CNTN6: variants seen among roughly 807,000 people sequenced by gnomAD.
CNTN6 encodes contactin 6, also known as contactin-6.
In CNTN6, 137 loss-of-function variants were observed where a neutral mutation model predicts 122.8. The observed-to-expected ratio is 1.12, with a 90% CI of 0.97 to 1.29. The LOEUF is 1.29. CNTN6 is among the 50% of genes most tolerant of loss of function. CNTN6 has a pLI of 0.00. For synonymous variants in CNTN6, 570 were observed against 426.0 expected, an observed-to-expected ratio of 1.34 and a Z score of -4.16; for missense variants, 1,634 against 1,223.4, an observed-to-expected ratio of 1.34 and a Z score of -5.01.
intron 2 of CNTN6, among the ~76,000 whole-genome samples, chr3:1,220,289 T>G (rs1220090803): frequency 6.6e-6 from 1 of 152,098 alleles, no homozygotes; most frequent in Admixed American, 6.6e-5. Flanking sequence ...TGAGCTATGA[T>G]CACACTACTG....
chr3:1,384,594 A>T (rs1381292784), intron 19 of CNTN6, among the ~76,000 whole-genome samples: 6 of 151,696 alleles, frequency 4.0e-5, no homozygotes, highest in African/African-American at 1.4e-4. Flanking sequence ...AGTGATTCAC[A>T]AAATGGGTAA....
intron 7 of CNTN6, 59 bp downstream of exon 7, chr3:1,298,050 A>T: frequency 7.9e-7 from 1 of 1,266,842 alleles, no homozygotes; most frequent in Non-Finnish European, 1.1e-6. Context: ...TTTATTAAAA[A>T]CCTTTTTGTT....
intron 4 of CNTN6, among the ~76,000 whole-genome samples, chr3:1,232,367 T>G (rs1218639720): frequency 6.6e-6 from 1 of 152,192 alleles, no homozygotes; most frequent in Non-Finnish European, 1.5e-5. Flanking sequence ...CATCAAGTAC[T>G]ACACTAGGTC....
intron 2 of CNTN6, among the ~76,000 whole-genome samples, chr3:1,155,311 A>G (rs1452601975): frequency 6.6e-6 from 1 of 152,188 alleles, no homozygotes; most frequent in Non-Finnish European, 1.5e-5. Flanking sequence ...TACGCACTCA[A>G]TAAATATTTA....
chr3:1,307,101 C>T (rs187401363), intron 7 of CNTN6, among the ~76,000 whole-genome samples: 6 of 152,192 alleles, frequency 3.9e-5, no homozygotes, highest in East Asian at 1.9e-4. Flanking sequence ...ATAAAGGCCC[C>T]GGGGAGGTTG....
At chr3:1,379,692 T>G (rs1710379778) in intron 17 of CNTN6, among the ~76,000 whole-genome samples, 1 of 152,142 alleles carries the variant, frequency 6.6e-6, no homozygotes, top group South Asian at 2.1e-4. Flanking sequence ...TTTTTCTTCC[T>G]GAGGAGGAGG....
chr3:1,109,335 G>A (rs1297736981), intron 1 of CNTN6, among the ~76,000 whole-genome samples: 4 of 151,976 alleles, frequency 2.6e-5, no homozygotes, highest in African/African-American at 7.2e-5. Context: ...ATGCAAAATT[G>A]TAGAGGAAAA....
In CNTN6 at chr3:1,240,835, G is replaced by A. The variant is rs138128359; in HGVS notation, c.358+12842G>A. On this transcript the variant is annotated intron_variant, in intron 4 of 22. Coordinates refer to ENST00000446702, the MANE Select transcript of CNTN6 (RefSeq NM_001289080.2). Reference sequence around the variant, plus strand: ...GTGAAATAAACCCATGCACCTTCACGTGGGTGCAGGCGGGCTGAGTCTGAA... The same window carrying A: ...GTGAAATAAACCCATGCACCTTCACATGGGTGCAGGCGGGCTGAGTCTGAA... Among the ~76,000 whole-genome samples, 13 of 152,266 alleles carry A rather than the reference G, an allele frequency of 8.5e-5. No individual in the cohort carries two copies. The East Asian group carries it at 1.4e-3, about 16-fold the overall frequency.
rs2094562176 is a variant in CNTN6 at position 1,245,301 on chromosome 3, T to TATATATATATAAC, written c.358+17319_358+17320insACATATATATATA. On this transcript the variant is annotated intron_variant, in intron 4 of 22. Transcript: ENST00000446702. ...CACACACATATATATATAACATATATATATATATATATATATATATATATA... is the reference window on the plus strand; with the variant it reads ...CACACACATATATATATAACATATATATATATATATAACATATATATATATATATATATATATA... Among the ~76,000 whole-genome samples, 8 of 5,986 alleles carry TATATATATATAAC rather than the reference T, an allele frequency of 1.3e-3. 1 individual carries two copies. Among genetic ancestry groups the TATATATATATAAC allele is most frequent in the Non-Finnish European group, 2.6e-3 (7 of 2,648 alleles). The allele number at this position is 5,986 out of a possible 152,430, so 3.9% of individuals were successfully genotyped here. A position where few individuals can be genotyped will look rare whatever the true frequency, so the allele number is the denominator to read the frequency against.
chr3:1,186,974 A>C (rs562817055), intron 2 of CNTN6, among the ~76,000 whole-genome samples: 1 of 152,252 alleles, frequency 6.6e-6, no homozygotes, highest in African/African-American at 2.4e-5. Context: ...AAAGAGGAAA[A>C]GAGAAGTTGA....
intron 7 of CNTN6, 78 bp downstream of exon 7, chr3:1,298,069 A>G (rs187851630): frequency 1.0e-6 from 1 of 1,000,368 alleles, no homozygotes; most frequent in African/African-American, 1.6e-5. Context: ...TTATTCATAT[A>G]TTGCTCTAAG....
At chr3:1,402,079 C>T (rs1695781495) in intron 21 of CNTN6, among the ~76,000 whole-genome samples, 1 of 151,650 alleles carries the variant, frequency 6.6e-6, no homozygotes, top group Admixed American at 6.6e-5. Flanking sequence ...TAGCCTCAAG[C>T]TATTTAACTA....
At chr3:1,346,360 G>T (rs1012645340) in intron 11 of CNTN6, among the ~76,000 whole-genome samples, 1 of 152,056 alleles carries the variant, frequency 6.6e-6, no homozygotes, top group Non-Finnish European at 1.5e-5. Flanking sequence ...GCCTGTTTGG[G>T]CCTTGGGGAC....
At chr3:1,194,814 TC>T (rs1349331397) in intron 2 of CNTN6, among the ~76,000 whole-genome samples, 1 of 152,166 alleles carries the variant, frequency 6.6e-6, no homozygotes, top group Non-Finnish European at 1.5e-5. Flanking sequence ...TGTATCTTAT[TC>T]CTTTTTTCCT....
chr3:1,264,318 A>T (rs546469566), intron 4 of CNTN6, among the ~76,000 whole-genome samples: 2 of 152,296 alleles, frequency 1.3e-5, no homozygotes, highest in East Asian at 3.9e-4. Context: ...AAGATTTTAT[A>T]AATACATGAG....
intron 1 of CNTN6, among the ~76,000 whole-genome samples, chr3:1,139,288 T>C (rs2092556267): frequency 6.6e-6 from 1 of 152,176 alleles, no homozygotes; most frequent in African/African-American, 2.4e-5. Flanking sequence ...CCCTGCATTC[T>C]GTTATTGAAT....
chr3:1,378,115 T>C (rs1575954557), intron 17 of CNTN6, among the ~76,000 whole-genome samples: 1 of 151,908 alleles, frequency 6.6e-6, no homozygotes, highest in Non-Finnish European at 1.5e-5. Flanking sequence ...GTGGATAGAG[T>C]CCCCTTGAAG....
chr3:1,301,441 G>A (rs181303898), intron 7 of CNTN6, among the ~76,000 whole-genome samples: 1 of 152,270 alleles, frequency 6.6e-6, no homozygotes, highest in Non-Finnish European at 1.5e-5. Context: ...TGATGTGTAT[G>A]TACAAAAGAA....
chr3:1,289,072 G>A (rs554534492), intron 5 of CNTN6, among the ~76,000 whole-genome samples: 1 of 152,264 alleles, frequency 6.6e-6, no homozygotes, highest in East Asian at 1.9e-4. Context: ...ATAGATGGTG[G>A]AGAAAATATT....
Sources: allele counts gnomAD v4.1 joint callset (sites outside exome capture counted in the v4.1 genomes callset), GRCh38; gene constraint gnomAD v4.1.1; transcripts MANE v1.5; gene names NCBI Gene and HGNC (gene_info 2026-07-23, HGNC 2026-07-21).